The following TMEM185A variants were observed in gnomAD, a reference collection of about 807,000 sequenced individuals.
TMEM185A encodes the protein transmembrane protein 185A, also known as family with sequence similarity 11, member A.
TMEM185A carries 9 observed loss-of-function variants against 25.0 expected under a neutral mutation model. That is an observed-to-expected ratio of 0.36 (90% CI 0.22 to 0.63). The LOEUF (loss-of-function observed/expected upper bound fraction) is 0.63. TMEM185A is among the 20% of genes least tolerant of loss of function. The probability of loss-of-function intolerance (pLI) is 0.68; values close to 1 mark genes in which losing one functional copy is unlikely to be tolerated. For synonymous variants in TMEM185A, 45 were observed against 93.5 expected, an observed-to-expected ratio of 0.48 and a Z score of 2.99; for missense variants, 103 against 237.4, an observed-to-expected ratio of 0.43 and a Z score of 3.72.
intron 2 of TMEM185A, among the ~76,000 whole-genome samples, chrX:149,610,208 A>T (rs1306008429): frequency 1.8e-5 from 2 of 110,115 alleles, no homozygotes; most frequent in Admixed American, 1.9e-4. Flanking sequence ...AGGCGGGTGG[A>T]TCACCTGATG....
intron 3 of TMEM185A, among the ~76,000 whole-genome samples, chrX:149,607,153 C>T (rs1196895498): frequency 1.8e-5 from 2 of 111,806 alleles, no homozygotes; most frequent in Non-Finnish European, 3.8e-5. Context: ...CAGGGCCTTG[C>T]TCCATCACCG....
At chrX:149,622,597 A>G (rs149392742) in intron 1 of TMEM185A, among the ~76,000 whole-genome samples, 243 of 112,574 alleles carry the variant, frequency 2.2e-3, no homozygotes, top group African/African-American at 7.4e-3. Flanking sequence ...ATGGGGCAGC[A>G]ATACACAATA....
rs186574885 is a variant in TMEM185A at position 149,618,573 on chromosome X, T to C, written c.39-7110A>G. Among the ~76,000 whole-genome samples, 392 of 111,599 alleles carry C rather than the reference T, an allele frequency of 3.5e-3. 3 individuals carry two copies. Among genetic ancestry groups the C allele is most frequent in the African/African-American group, 0.012 (383 of 30,820 alleles). On this transcript the variant is annotated intron_variant, in intron 1 of 6. Transcript: ENST00000600449. ...TCAGTGGCTCTCAAAGTTTTTAGTA[T>C]CAAAAATTTTGACGTTTAACTCTTA...
chrX:149,619,241 A>T (rs1948461590), intron 1 of TMEM185A, among the ~76,000 whole-genome samples: 1 of 112,030 alleles, frequency 8.9e-6, no homozygotes. Context: ...GACACATTTC[A>T]TATACAATAG....
rs1557356683 is a variant in TMEM185A at position 149,631,647 on chromosome X, T to C, written c.-67A>G. 2.1e-5 allele frequency: 21 copies of C among 1,024,308 alleles called. No individual in the cohort carries two copies. The highest frequency in any genetic ancestry group is 2.7e-5 in the Non-Finnish European group (21 of 769,945). The allele number at this position is 1,024,308 out of a possible 1,213,427, so 84.4% of individuals were successfully genotyped here. The stretch of plus-strand genomic sequence containing the variant: ...CACCCCGTGCTGCACAGCCTGCGCC[T>C]TACAGCGGGTTCATGGCGCCAGCGC... On this transcript the variant is annotated 5_prime_UTR_variant, in exon 1 of 7. It removes the in-frame stop codon of an upstream open reading frame in the 5' UTR. Transcript: ENST00000600449.
intron 3 of TMEM185A, among the ~76,000 whole-genome samples, chrX:149,604,451 C>T (rs923926631): frequency 1.1e-4 from 12 of 111,891 alleles, no homozygotes; most frequent in African/African-American, 3.9e-4. Flanking sequence ...TCTCATACCT[C>T]GGTTTTGCCC....
intron 1 of TMEM185A, among the ~76,000 whole-genome samples, chrX:149,626,138 C>T (rs1241979720): frequency 8.9e-6 from 1 of 112,179 alleles, no homozygotes; most frequent in Non-Finnish European, 1.9e-5. Context: ...TTGTAAAGAT[C>T]ATGGATAATG....
intron 1 of TMEM185A, among the ~76,000 whole-genome samples, chrX:149,628,417 G>C (rs1363948884): frequency 8.9e-6 from 1 of 112,012 alleles, no homozygotes; most frequent in East Asian, 2.8e-4. Context: ...TTGTGGGTCC[G>C]GTACATCTGT....
chrX:149,628,300 T>C, intron 1 of TMEM185A, among the ~76,000 whole-genome samples: 1 of 111,712 alleles, frequency 9.0e-6, no homozygotes, highest in Middle Eastern at 4.6e-3. Flanking sequence ...TAATGCTACC[T>C]ACTACCAGAT....
At chrX:149,627,018 A>G (rs897148891) in intron 1 of TMEM185A, among the ~76,000 whole-genome samples, 3 of 111,772 alleles carry the variant, frequency 2.7e-5, no homozygotes, top group Non-Finnish European at 5.7e-5. Context: ...CAGGAGACAG[A>G]AGCCTTCCTC....
rs138030062 is a variant in TMEM185A, at chrX:149,603,122, T to C, written c.507+865A>G. On this transcript the variant is annotated intron_variant, in intron 4 of 6. Coordinates refer to ENST00000600449, the MANE Select transcript of TMEM185A (RefSeq NM_032508.4). ...CATCTTTTTTCCATGCATTTAATAGTGGAATCTATACTGTGTTCTCTAATT... is the reference window on the plus strand; with the variant it reads ...CATCTTTTTTCCATGCATTTAATAGCGGAATCTATACTGTGTTCTCTAATT... Among the ~76,000 whole-genome samples, 789 of 111,722 alleles carry C rather than the reference T, an allele frequency of 7.1e-3. 6 individuals are homozygous for C. The highest frequency in any genetic ancestry group is 0.024 in the African/African-American group (745 of 30,751).
chrX:149,608,425 G>A (rs2090063920), intron 3 of TMEM185A: 1 of 385,647 alleles, frequency 2.6e-6, no homozygotes, highest in African/African-American at 2.6e-5. Flanking sequence ...CCGCCTCCTG[G>A]GTTCAAGAGA....
chrX:149,611,798 G>A (rs1435613947), intron 1 of TMEM185A, among the ~76,000 whole-genome samples: 1 of 111,669 alleles, frequency 9.0e-6, no homozygotes, highest in Non-Finnish European at 1.9e-5. Flanking sequence ...GGTGACCCTA[G>A]AGCTGGTTCC....
chrX:149,626,458 T>C (rs1174889823), intron 1 of TMEM185A, among the ~76,000 whole-genome samples: 1 of 112,861 alleles, frequency 8.9e-6, no homozygotes, highest in African/African-American at 3.2e-5. Context: ...CTTCACTACC[T>C]GAACATACCA....
intron 2 of TMEM185A, among the ~76,000 whole-genome samples, 190 bp from the exon 3 acceptor site, chrX:149,609,024 AACT>A (rs1476117374): frequency 1.8e-5 from 2 of 112,793 alleles, no homozygotes; most frequent in African/African-American, 3.2e-5. Flanking sequence ...AACATCGAAG[AACT>A]ACTACATAAT....
intron 3 of TMEM185A, chrX:149,608,369 C>A: frequency 9.0e-6 from 2 of 222,487 alleles, no homozygotes; most frequent in Non-Finnish European, 8.0e-6. Flanking sequence ...TTCATTCTGT[C>A]ACCCAGGCTG....
chrX:149,617,511 C>T (rs2090116520), intron 1 of TMEM185A, among the ~76,000 whole-genome samples: 1 of 111,415 alleles, frequency 9.0e-6, no homozygotes, highest in East Asian at 2.8e-4. Context: ...GATGTTAGGA[C>T]AATGCAAACT....
At chrX:149,625,279 C>T (rs1275882095) in intron 1 of TMEM185A, among the ~76,000 whole-genome samples, 1 of 112,118 alleles carries the variant, frequency 8.9e-6, no homozygotes, top group African/African-American at 3.2e-5. Context: ...ACAAAGACTT[C>T]CCAGTGGTAG....
At chrX:149,614,735 A>G (rs2090101938) in intron 1 of TMEM185A, among the ~76,000 whole-genome samples, 1 of 112,043 alleles carries the variant, frequency 8.9e-6, no homozygotes, top group African/African-American at 3.2e-5. Context: ...ACTAATATCA[A>G]GAATGAAAAC....
Sources: gnomAD v4.1 joint callset for allele counts (sites outside exome capture counted in the v4.1 genomes callset) on GRCh38, gnomAD v4.1.1 for gene constraint, MANE v1.5 for transcripts, NCBI Gene and HGNC (gene_info 2026-07-23, HGNC 2026-07-21) for gene names.